SLC13A1: variants seen among roughly 807,000 people sequenced by gnomAD.
SLC13A1 encodes Na(+)/sulfate cotransporter.
SLC13A1 carries 65 observed loss-of-function variants against 70.0 expected under a neutral mutation model. That is an observed-to-expected ratio of 0.93 (90% CI 0.76 to 1.14). The LOEUF is 1.14. SLC13A1 is among the 50% of genes most tolerant of loss of function. The probability of loss-of-function intolerance (pLI) is 0.00; values close to 1 mark genes in which losing one functional copy is unlikely to be tolerated. For missense variants in SLC13A1, 726 were observed against 717.8 expected (o/e 1.01, Z -0.13); for synonymous variants, 275 against 250.5 (o/e 1.10, Z -0.92).
intron 6 of SLC13A1, among the ~76,000 whole-genome samples, chr7:123,166,990 T>A (rs563946767): frequency 1.3e-5 from 2 of 152,198 alleles, no homozygotes; most frequent in South Asian, 4.1e-4. Flanking sequence ...AAAACCACAA[T>A]GAGATACCAT....
chr7:123,135,492 T>C lies in SLC13A1; in HGVS notation c.813-963A>G, dbSNP rs182469432. Among the ~76,000 whole-genome samples, 433 of 152,234 alleles carry C rather than the reference T, an allele frequency of 2.8e-3. 2 individuals are homozygous for C. The highest frequency in any genetic ancestry group is 0.01 in the African/African-American group (418 of 41,574). On this transcript the variant is annotated intron_variant, in intron 7 of 14. Transcript: ENST00000194130. ...AAGATATACAGAAGTAATAAAAACA[T>C]CATTAACATATTTTAATATGTTTGA...
chr7:123,117,590 T>A lies in SLC13A1; in HGVS notation c.1531A>T (p.Asn511Tyr). The change falls in exon 14 of 15, where the codon AAC becomes TAC. Residue 511 changes from asparagine to tyrosine, a missense_variant. Asn to Tyr is a moderately radical substitution (Grantham distance 143). Coordinates refer to ENST00000194130, the MANE Select transcript of SLC13A1 (RefSeq NM_022444.4). Reference sequence around the variant, plus strand: ...GAAGGTATCAGAATATAAAGAGGGTTCACATGAATGGCTTCGGCCTGTTGT... The same window carrying A: ...GAAGGTATCAGAATATAAAGAGGGTACACATGAATGGCTTCGGCCTGTTGT... Reference protein sequence around the residue: ...LSPLAEAIHVNPLYILIPSTL... With the variant: ...LSPLAEAIHVYPLYILIPSTL... 6.2e-7 allele frequency: 1 copy of A among 1,608,024 alleles called. No individual in the cohort carries two copies. Among genetic ancestry groups the A allele is most frequent in the Non-Finnish European group, 8.5e-7 (1 of 1,176,088 alleles).
chr7:123,187,298 C>T (rs1370717888), intron 1 of SLC13A1, among the ~76,000 whole-genome samples: 1 of 152,036 alleles, frequency 6.6e-6, no homozygotes, highest in Non-Finnish European at 1.5e-5. Context: ...AGTTCCTCGT[C>T]CCTTAAATTA....
At chr7:123,198,195 G>T (rs575925928) in intron 1 of SLC13A1, among the ~76,000 whole-genome samples, 16 of 151,928 alleles carry the variant, frequency 1.1e-4, no homozygotes, top group Non-Finnish European at 1.8e-4. Context: ...TTCTTGGCAA[G>T]GAGATGGGGT....
intron 1 of SLC13A1, 43 bp downstream of exon 1, chr7:123,199,805 A>T: frequency 7.0e-7 from 1 of 1,421,364 alleles, no homozygotes; most frequent in South Asian, 1.2e-5. Context: ...GGACAATTAA[A>T]TAAGTCAGGA....
intron 8 of SLC13A1, among the ~76,000 whole-genome samples, chr7:123,130,615 C>T (rs1793725282): frequency 6.6e-6 from 1 of 152,046 alleles, no homozygotes; most frequent in African/African-American, 2.4e-5. Context: ...GCATGTGGGG[C>T]TTAATACCTA....
chr7:123,167,778 A>T (rs1461440629), intron 6 of SLC13A1, among the ~76,000 whole-genome samples: 1 of 152,038 alleles, frequency 6.6e-6, no homozygotes, highest in Non-Finnish European at 1.5e-5. Flanking sequence ...GATTTTTTTT[A>T]GTGGCAATGG....
chr7:123,162,866 T>C (rs144058377), intron 6 of SLC13A1, among the ~76,000 whole-genome samples: 39 of 152,246 alleles, frequency 2.6e-4, no homozygotes, highest in African/African-American at 8.9e-4. Context: ...AAGCAAGATG[T>C]AATTTATTCA....
intron 10 of SLC13A1, among the ~76,000 whole-genome samples, chr7:123,128,582 A>C (rs1793644726): frequency 6.6e-6 from 1 of 152,026 alleles, no homozygotes; most frequent in African/African-American, 2.4e-5. Flanking sequence ...TAGGGATGGG[A>C]ATTTTGTAGG....
intron 6 of SLC13A1, among the ~76,000 whole-genome samples, chr7:123,160,377 G>T (rs1293944649): frequency 6.6e-6 from 1 of 151,354 alleles, no homozygotes; most frequent in Non-Finnish European, 1.5e-5. Flanking sequence ...AATGATAAAA[G>T]GTTAATCAAT....
At chr7:123,168,207 T>A (rs1795136065) in intron 6 of SLC13A1, among the ~76,000 whole-genome samples, 167 bp downstream of exon 6, 1 of 152,194 alleles carries the variant, frequency 6.6e-6, no homozygotes, top group South Asian at 2.1e-4. Context: ...TTGATTTCTG[T>A]CTGTTCATGA....
At chr7:123,179,915 T>C (rs1396318737) in intron 2 of SLC13A1, among the ~76,000 whole-genome samples, 1 of 152,180 alleles carries the variant, frequency 6.6e-6, no homozygotes, top group African/African-American at 2.4e-5. Context: ...CTTCTTTTTT[T>C]ATTCCCGATA....
intron 6 of SLC13A1, chr7:123,148,360 C>A (rs776950829): frequency 1.5e-5 from 5 of 340,346 alleles, no homozygotes; most frequent in South Asian, 1.1e-4. Flanking sequence ...TCATTTCCAA[C>A]GATTTTCAGT....
Position 123,169,194 on chromosome 7 carries a change from C to T in SLC13A1, c.507G>A (p.Gln169=). The T allele has an allele frequency of 6.2e-7, 1 of 1,614,082 alleles. No homozygotes were observed. The highest frequency in any genetic ancestry group is 8.5e-7 in the Non-Finnish European group (1 of 1,179,990). The change falls in exon 4 of 15, where the codon CAG becomes CAA. Residue 169 remains glutamine (Q), a synonymous_variant. Coordinates refer to ENST00000194130, the MANE Select transcript of SLC13A1 (RefSeq NM_022444.4). The part of the protein sequence containing the change: ...INAEAEVEAT[Q]MTYFNGSTNH... ...TGGTTGATCCGTTGAAGTAAGTCAT[C>T]TGAGTGGCCTCGACCTCTGCTTCTG...
intron 9 of SLC13A1, among the ~76,000 whole-genome samples, 197 bp downstream of exon 9, chr7:123,129,186 T>C (rs900647588): frequency 2.6e-5 from 4 of 152,152 alleles, no homozygotes; most frequent in Non-Finnish European, 5.9e-5. Flanking sequence ...TGTTTTATCA[T>C]GTTGAGTTAT....
chr7:123,165,418 G>T (rs1012714086), intron 6 of SLC13A1, among the ~76,000 whole-genome samples: 1 of 151,998 alleles, frequency 6.6e-6, no homozygotes, highest in Non-Finnish European at 1.5e-5. Flanking sequence ...CTATTGAAAG[G>T]TTATTCTTAC....
chr7:123,130,665 C>T (rs1159601458), intron 8 of SLC13A1, among the ~76,000 whole-genome samples: 1 of 152,040 alleles, frequency 6.6e-6, no homozygotes, highest in Non-Finnish European at 1.5e-5. Context: ...TCATGGCACA[C>T]GTTTGCCTAC....
intron 12 of SLC13A1, among the ~76,000 whole-genome samples, chr7:123,120,732 T>C (rs1212158448): frequency 1.3e-5 from 2 of 152,076 alleles, no homozygotes; most frequent in East Asian, 1.9e-4. Context: ...CTGCTTGTTT[T>C]TGCTTATGAC....
At chr7:123,122,633 A>G (rs1343522448) in intron 12 of SLC13A1, among the ~76,000 whole-genome samples, 6 of 152,158 alleles carry the variant, frequency 3.9e-5, no homozygotes, top group South Asian at 2.1e-4. Flanking sequence ...ATTTTTCTCC[A>G]GACTTTATTC....
Sources: gnomAD v4.1 joint callset for allele counts (sites outside exome capture counted in the v4.1 genomes callset) on GRCh38, gnomAD v4.1.1 for gene constraint, MANE v1.5 for transcripts, NCBI Gene and HGNC (gene_info 2026-07-23, HGNC 2026-07-21) for gene names.